Variants in HELZ2 observed in about 807,000 individuals in gnomAD.
The protein encoded by HELZ2 is 3'-5' exoribonuclease HELZ2.
Under a neutral mutation model 208.8 loss-of-function variants are expected in HELZ2, and 143 were observed. The ratio of observed to expected loss-of-function variants is 0.68; its 90% CI spans 0.60 to 0.79. HELZ2 has a LOEUF of 0.79. HELZ2 is among the 30% of genes least tolerant of loss of function. The pLI is 0.00. For synonymous variants in HELZ2, 1,705 were observed against 1,693.7 expected, an observed-to-expected ratio of 1.01 and a Z score of -0.16; for missense variants, 3,690 against 3,794.5, an observed-to-expected ratio of 0.97 and a Z score of 0.72.
At chr20:63,569,801 AC>A in intron 3 of HELZ2, 136 bp from the exon 5 acceptor site, 2 of 1,005,244 alleles carry the variant, frequency 2.0e-6, no homozygotes, top group Non-Finnish European at 2.8e-6. Flanking sequence ...CAAGCAGGCC[AC>A]CCGGCCTCTG....
Position 63,566,522 on chromosome 20 carries a change from A to AC in HELZ2, c.2515-70_2515-69insG, listed in dbSNP as rs2082959498. Reference sequence around the variant, plus strand: ...GGACTCGGCCACCCCCGACAAGGAGAGGGCACCCCCACCAAGCTCGGGGAT... The same window carrying AC: ...GGACTCGGCCACCCCCGACAAGGAGACGGGCACCCCCACCAAGCTCGGGGAT... On this transcript the variant is annotated intron_variant, in intron 6 of 18. Transcript: ENST00000467148. The AC allele has an allele frequency of 7.4e-6, 9 of 1,212,112 alleles. 1 individual carries two copies. In the East Asian group the frequency reaches 2.1e-4, roughly 29 times the overall value. 75.1% of individuals were successfully genotyped at this position (1,212,112 alleles called of 1,614,324 possible).
At chr20:63,571,381 A>G (rs80161027) in intron 1 of HELZ2, 2,452 of 17,582 alleles carry the variant, frequency 0.14, 19 homozygotes, top group Middle Eastern at 0.27. Context: ...GCTCCTGGGA[A>G]CCTCTGGCTC....
exon 8 of HELZ2, chr20:63,564,041 G>T: frequency 6.2e-7 from 1 of 1,604,812 alleles, no homozygotes. Flanking sequence ...GTGCAGCCGC[G>T]TGTCGGGGGG....
rs1216442814 is a variant in HELZ2, at chr20:63,570,881, G to A, written c.279-13C>T. 2.5e-6 allele frequency: 4 copies of A among 1,573,234 alleles called. No individual in the cohort carries two copies. The highest frequency in any genetic ancestry group is 2.7e-5 in the African/African-American group (2 of 74,000). The stretch of plus-strand genomic sequence containing the variant: ...ACAGAGGTCAGGCCTGGGGGACAGG[G>A]AGGTCAGCAGGGCTACACAGAGGCA... On this transcript the variant is annotated splice_polypyrimidine_tract_variant and intron_variant, in intron 1 of 18. Transcript: ENST00000467148.
chr20:63,560,116 C>T, intron 17 of HELZ2, 21 bp from the exon 19 acceptor site: 1 of 1,568,178 alleles, frequency 6.4e-7, no homozygotes, highest in Non-Finnish European at 8.6e-7. Context: ...GGAGGTGAGG[C>T]CCTGCTGCCG....
rs371799255 is a variant in HELZ2 at position 63,561,816 on chromosome 20, G to A, written c.6691+7C>T. On this transcript the variant is annotated splice_region_variant and intron_variant, in intron 11 of 18. Transcript: ENST00000467148. The stretch of plus-strand genomic sequence containing the variant: ...CCCAAAGGCCCCCACCGCCGACCCC[G>A]GCGCACCTGCCAGGACATCCACCGA... 1.5e-5 allele frequency: 23 copies of A among 1,556,732 alleles called. No individual in the cohort carries two copies. The highest frequency in any genetic ancestry group is 8.2e-5 in the African/African-American group (6 of 73,264).
At chr20:63,564,692 C>A in exon 8 of HELZ2, 1 of 1,598,636 alleles carries the variant, frequency 6.3e-7, no homozygotes, top group Admixed American at 1.7e-5. Flanking sequence ...GGGCACGAAG[C>A]TGGCCACATC....
exon 19 of HELZ2, chr20:63,559,345 G>C (rs1200183551): frequency 2.5e-6 from 4 of 1,601,292 alleles, no homozygotes; most frequent in Admixed American, 1.7e-5. Flanking sequence ...GCCAGAGGGG[G>C]CAGCAGCGCA....
rs532492179 is a variant in HELZ2, at chr20:63,561,305, C to T, written c.6954-31G>A. The T allele has an allele frequency of 1.9e-6, 3 of 1,612,168 alleles. No homozygotes were observed. In the South Asian group the frequency reaches 3.3e-5, roughly 18 times the overall value. ...GGGGACACTGCTTGTCACCCCAGGG[C>T]CCCCATGCTGCAGGCAGCTCCACCC... On this transcript the variant is annotated intron_variant, in intron 13 of 18. Coordinates refer to ENST00000467148, the Ensembl canonical transcript of HELZ2.
chr20:63,562,034 C>T, intron 10 of HELZ2, 38 bp downstream of exon 11: 1 of 1,602,582 alleles, frequency 6.2e-7, no homozygotes, highest in South Asian at 1.1e-5. Context: ...GTCCCTGTGG[C>T]CCAAGGCAGC....
At chr20:63,566,501 T>TGGG (rs1484457649) in intron 6 of HELZ2, 48 bp from the exon 8 acceptor site, 3 of 1,495,056 alleles carry the variant, frequency 2.0e-6, no homozygotes, top group East Asian at 2.5e-5. Flanking sequence ...CAGTGAGGAC[T>TGGG]CGGCCACCCC....
At chr20:63,573,449 G>A (rs577801583), upstream of HELZ2, among the ~76,000 whole-genome samples, 64 of 152,228 alleles carry the variant, frequency 4.2e-4, no homozygotes, top group African/African-American at 1.4e-3. This position sits in a 1 kb window ranked among gnomAD's most constrained non-coding sequence, Gnocchi z 4.9. Context: ...TCACTGACCC[G>A]GACACAGCCA....
chr20:63,560,143 G>T, intron 17 of HELZ2, 28 bp downstream of exon 18: 1 of 882,476 alleles, frequency 1.1e-6, no homozygotes, highest in Non-Finnish European at 1.7e-6. Context: ...CCACCCTCCC[G>T]GCCCCACCCA....
exon 8 of HELZ2, chr20:63,563,322 G>T: frequency 6.5e-7 from 1 of 1,540,840 alleles, no homozygotes; most frequent in Non-Finnish European, 8.7e-7. Flanking sequence ...AGCTCCACCA[G>T]CTCCAGCAGC....
At chr20:63,567,727 GC>G in intron 5 of HELZ2, 100 bp from the exon 7 acceptor site, 2 of 1,483,048 alleles carry the variant, frequency 1.3e-6, no homozygotes, top group Non-Finnish European at 1.8e-6. Context: ...CCTGAGCACA[GC>G]CCTTGTCTGG....
At chr20:63,562,490 G>T (rs1260185375) in intron 8 of HELZ2, 30 bp downstream of exon 9, 1 of 1,540,458 alleles carries the variant, frequency 6.5e-7, no homozygotes, top group South Asian at 1.2e-5. Context: ...CGGTCCCCCA[G>T]CCCAGCCTCT....
chr20:63,567,060 G>A lies in HELZ2; in HGVS notation c.2298C>T (p.His766=), dbSNP rs147456257. The A allele has an allele frequency of 5.9e-4, 957 of 1,612,136 alleles. 1 individual carries two copies. The highest frequency in any genetic ancestry group is 1.1e-3 in the South Asian group (104 of 91,088). The change falls in exon 6 of 19, where the codon CAC becomes CAT. Residue 766 remains histidine, a synonymous_variant. Transcript: ENST00000467148. The stretch of plus-strand genomic sequence containing the variant: ...GGTGGGGCGGAACCTTGCCCCTGGC[G>A]TGGATGGGGTTGCCCTTGGCCACGT...
exon 2 of HELZ2, chr20:63,570,739 G>T: frequency 6.2e-7 from 1 of 1,608,294 alleles, no homozygotes; most frequent in Non-Finnish European, 8.5e-7. Flanking sequence ...GCTCCTGGTA[G>T]GGCACCAGCC....
At chr20:63,573,783 C>T (rs893103664), upstream of HELZ2, among the ~76,000 whole-genome samples, 6 of 152,092 alleles carry the variant, frequency 3.9e-5, no homozygotes, top group African/African-American at 1.4e-4. This position sits in a 1 kb window ranked among gnomAD's most constrained non-coding sequence, Gnocchi z 4.9. Context: ...CCCGGGTCCC[C>T]ACCGCAGCTG....
Sources: gnomAD v4.1 joint callset for allele counts (sites outside exome capture counted in the v4.1 genomes callset) on GRCh38, gnomAD v4.1.1 for gene constraint, Gnocchi (gnomAD v3.1) non-coding constraint, MANE v1.5 for transcripts, NCBI Gene and HGNC (gene_info 2026-07-23, HGNC 2026-07-21) for gene names.